CCN4: variants seen among roughly 807,000 people sequenced by gnomAD.
CCN4 encodes cellular communication network factor 4.
A neutral mutation model predicts 36.7 loss-of-function variants in CCN4; 30 were observed. The observed-to-expected ratio is 0.82, with a 90% CI of 0.61 to 1.11. The LOEUF is 1.11. Ranked by LOEUF, CCN4 falls within the 50% of genes least tolerant of loss-of-function variation. The pLI is 0.00. For missense variants in CCN4, 505 were observed against 504.9 expected (o/e 1.00, Z 0.00); for synonymous variants, 191 against 195.4 (o/e 0.98, Z 0.19).
At chr8:133,210,388 T>C (rs1401119061) in intron 1 of CCN4, among the ~76,000 whole-genome samples, 1 of 58,916 alleles carries the variant, frequency 1.7e-5, no homozygotes, top group South Asian at 6.4e-4. Context: ...AAAAGAGGGG[T>C]GTGTGTGTGT....
chr8:133,213,695 T>C (rs1031682661), intron 2 of CCN4, among the ~76,000 whole-genome samples: 3 of 147,790 alleles, frequency 2.0e-5, no homozygotes, highest in African/African-American at 7.4e-5. Context: ...ATTATAGAAA[T>C]ATACTATATA....
chr8:133,216,772 G>A (rs187651667), intron 2 of CCN4, among the ~76,000 whole-genome samples: 4 of 152,346 alleles, frequency 2.6e-5, no homozygotes, highest in East Asian at 3.9e-4. Context: ...TGCTAGCTAC[G>A]TGACCATGTG....
chr8:133,194,466 G>T (rs1340414766), intron 1 of CCN4, among the ~76,000 whole-genome samples: 5 of 67,068 alleles, frequency 7.5e-5, no homozygotes, highest in African/African-American at 2.5e-4. Flanking sequence ...ATGTGTGTGG[G>T]GTGTGTGTGT....
Position 133,213,108 on chromosome 8 carries a change from G to A in CCN4, c.314G>A (p.Gly105Glu), listed in dbSNP as rs760982965. Residue 105 changes from glycine (G) to glutamate (E), a missense_variant, in exon 2 of 5, where the codon GGG becomes GAG. Transcript: ENST00000250160. Reference protein sequence around the residue: ...PHRGLYCDYSGDRPRYAIGVC... With the variant: ...PHRGLYCDYSEDRPRYAIGVC... The stretch of plus-strand genomic sequence containing the variant: ...CGGGGCCTCTACTGTGACTACAGCG[G>A]GGACCGCCCGAGGTACGCAATAGGA... The A allele has an allele frequency of 1.2e-6, 2 of 1,613,516 alleles. No homozygotes were observed. Among genetic ancestry groups the A allele is most frequent in the Non-Finnish European group, 1.7e-6 (2 of 1,179,504 alleles).
At position 133,220,755 on chromosome 8, in the gene CCN4, T is replaced by A. The variant is rs775480286; in HGVS notation, c.524T>A (p.Ile175Lys). The A allele has an allele frequency of 2.0e-5, 32 of 1,613,406 alleles. 2 individuals carry two copies. In the Admixed American group the frequency reaches 3.2e-4, roughly 16 times the overall value. ...LWCPHPRRVS[I>K]PGHCCEQWVC... ...TGCCCCCACCCGCGGCGCGTGAGCA[T>A]ACCTGGCCACTGCTGTGAGCAGTGG... Residue 175 changes from isoleucine (I) to lysine (K), a missense_variant, in exon 3 of 5, where the codon ATA becomes AAA. By Grantham distance (102) the Ile-to-Lys change is moderately radical. Transcript: ENST00000250160.
intron 1 of CCN4, among the ~76,000 whole-genome samples, chr8:133,205,219 C>T (rs1261765600): frequency 6.6e-6 from 1 of 152,202 alleles, no homozygotes; most frequent in Non-Finnish European, 1.5e-5. Context: ...GCAGAGTGGC[C>T]ACCACCTCTG....
At chr8:133,219,691 G>A (rs138187035) in intron 2 of CCN4, among the ~76,000 whole-genome samples, 1,710 of 152,258 alleles carry the variant, frequency 0.011, 28 homozygotes, top group African/African-American at 0.039. Context: ...CACTGAAAAT[G>A]TCAAATCCTA....
At chr8:133,208,711 C>T (rs1052939776) in intron 1 of CCN4, among the ~76,000 whole-genome samples, 24 of 152,108 alleles carry the variant, frequency 1.6e-4, no homozygotes, top group African/African-American at 5.3e-4. Flanking sequence ...TCTATTCCCA[C>T]CCCCTCTTCA....
Position 133,191,156 on chromosome 8 carries a change from C to T in CCN4, c.12C>T (p.Phe4=), listed in dbSNP as rs1354073317. Residue 4 remains phenylalanine (F), a synonymous_variant, in exon 1 of 5, where the codon TTC becomes TTT. Coordinates refer to ENST00000250160, the MANE Select transcript of CCN4 (RefSeq NM_003882.4). The part of the protein sequence containing the change: MRW[F]LPWTLAAVTA... The stretch of plus-strand genomic sequence containing the variant: ...ACTGACGTCCAGGCATGAGGTGGTT[C>T]CTGCCCTGGACGCTGGCAGCAGTGA... The T allele has an allele frequency of 6.2e-7, 1 of 1,606,746 alleles. No homozygotes were observed. The highest frequency in any genetic ancestry group is 2.2e-5 in the East Asian group (1 of 44,840).
chr8:133,214,143 TTATA>T (rs1307759571), intron 2 of CCN4, among the ~76,000 whole-genome samples: 1 of 137,268 alleles, frequency 7.3e-6, no homozygotes, highest in East Asian at 2.0e-4. Flanking sequence ...ATAACAGTAG[TTATA>T]TATAACTACT....
chr8:133,191,675 G>C (rs1186820061), intron 1 of CCN4, among the ~76,000 whole-genome samples: 2 of 152,202 alleles, frequency 1.3e-5, no homozygotes, highest in East Asian at 1.9e-4. Flanking sequence ...ATGCTGCGAA[G>C]ATGGGAGATG....
rs1261862985 is a variant in CCN4, at chr8:133,213,163, C to CT, written c.349+22dup. ...GTGCACGTAAGTGAGTCCTCCATACCTTCTGACCAGCCCCTGAGCACCCCC... is the reference window on the plus strand; with the variant it reads ...GTGCACGTAAGTGAGTCCTCCATACCTTTCTGACCAGCCCCTGAGCACCCCC... On this transcript the variant is annotated intron_variant, in intron 2 of 4. Coordinates refer to ENST00000250160, the MANE Select transcript of CCN4 (RefSeq NM_003882.4). 1 of 1,582,648 alleles carries CT rather than the reference C, an allele frequency of 6.3e-7. No homozygotes were observed. The highest frequency in any genetic ancestry group is 1.7e-5 in the Admixed American group (1 of 59,256).
intron 2 of CCN4, among the ~76,000 whole-genome samples, chr8:133,215,636 CT>C (rs1353115926): frequency 2.0e-5 from 3 of 152,148 alleles, no homozygotes; most frequent in Non-Finnish European, 2.9e-5. Context: ...TCCTCACCCC[CT>C]ATCTCTGCAT....
chr8:133,217,179 G>A (rs1007684206), intron 2 of CCN4, among the ~76,000 whole-genome samples: 14 of 152,262 alleles, frequency 9.2e-5, no homozygotes, highest in African/African-American at 3.4e-4. Flanking sequence ...TACATGGCAG[G>A]AGCTGAATAA....
intron 2 of CCN4, among the ~76,000 whole-genome samples, chr8:133,217,191 G>C (rs1040382648): frequency 6.6e-6 from 1 of 152,226 alleles, no homozygotes; most frequent in East Asian, 1.9e-4. Flanking sequence ...GCTGAATAAA[G>C]AGTACAGCTC....
chr8:133,205,114 T>C (rs1161875252), intron 1 of CCN4, among the ~76,000 whole-genome samples: 1 of 151,956 alleles, frequency 6.6e-6, no homozygotes, highest in Non-Finnish European at 1.5e-5. Flanking sequence ...GTGGGGTAGG[T>C]GGGGCCCGGT....
At chr8:133,214,999 T>C (rs898904537) in intron 2 of CCN4, among the ~76,000 whole-genome samples, 1 of 152,244 alleles carries the variant, frequency 6.6e-6, no homozygotes, top group Non-Finnish European at 1.5e-5. Context: ...CATTGGTTCA[T>C]GCTTCAACTT....
chr8:133,225,332 G>A, intron 3 of CCN4, 58 bp from the exon 4 acceptor site: 1 of 1,502,828 alleles, frequency 6.7e-7, no homozygotes. Context: ...TGGTGAAAGT[G>A]AGGGTTGGGG....
At chr8:133,203,032 G>C (rs556769211) in intron 1 of CCN4, among the ~76,000 whole-genome samples, 1 of 152,338 alleles carries the variant, frequency 6.6e-6, no homozygotes, top group South Asian at 2.1e-4. Context: ...AAGCTCCCGG[G>C]CCCAGCTAGG....
Sources: allele counts gnomAD v4.1 joint callset (sites outside exome capture counted in the v4.1 genomes callset), GRCh38; gene constraint gnomAD v4.1.1; transcripts MANE v1.5; gene names NCBI Gene and HGNC (gene_info 2026-07-23, HGNC 2026-07-21).